The following DYNC2H1 variants were observed in gnomAD, a reference collection of about 807,000 sequenced individuals.
DYNC2H1 encodes the protein dynein cytoplasmic 2 heavy chain 1, also known as cytoplasmic dynein 2 heavy chain 1.
DYNC2H1 carries 410 observed loss-of-function variants against 570.0 expected under a neutral mutation model. The observed-to-expected ratio is 0.72, with a 90% CI of 0.66 to 0.78. The LOEUF (loss-of-function observed/expected upper bound fraction) is 0.78, where lower values mean the gene tolerates loss of function less well. Among genes scored for constraint, DYNC2H1 ranks in the 30% least tolerant of loss-of-function variants. The pLI, the probability that DYNC2H1 is intolerant of heterozygous loss-of-function variation, is 0.00. For synonymous variants in DYNC2H1, 1,688 were observed against 1,677.6 expected, an observed-to-expected ratio of 1.01 and a Z score of -0.15; for missense variants, 4,865 against 5,046.4, an observed-to-expected ratio of 0.96 and a Z score of 1.09.
rs1944179982 is a variant in DYNC2H1, at chr11:103,439,403, T to C, written c.12456+3371T>C. ...TTTTCAAGTAACTAAAAGCAAAGCA[T>C]AGATTGCAAGGAGGGGTGTTCAGGC... On this transcript the variant is annotated intron_variant, in intron 85 of 88. Transcript: ENST00000375735. This position sits in a 1 kb window ranked among gnomAD's most constrained non-coding sequence, Gnocchi z 4.1. Among the ~76,000 whole-genome samples the C allele has an allele frequency of 6.6e-6, 1 of 152,074 alleles. No individual in the cohort carries two copies. Among genetic ancestry groups the C allele is most frequent in the African/African-American group, 2.4e-5 (1 of 41,432 alleles).
chr11:103,140,984 C>T lies in DYNC2H1; in HGVS notation c.2575-2284C>T, dbSNP rs112091114. ...TCTTCCATTGCTGGTACCCTTTCTT[C>T]CAGTTGATCGCATCGGCTCCTGAGG... On this transcript the variant is annotated intron_variant, in intron 17 of 88. Coordinates refer to ENST00000375735, the MANE Select transcript of DYNC2H1 (RefSeq NM_001377.3). Among the ~76,000 whole-genome samples the T allele has an allele frequency of 3.2e-3, 492 of 152,248 alleles. 3 individuals carry two copies. The highest frequency in any genetic ancestry group is 0.011 in the African/African-American group (472 of 41,540).
intron 12 of DYNC2H1, 65 bp downstream of exon 12, chr11:103,125,360 T>A: frequency 4.2e-5 from 37 of 890,266 alleles, no homozygotes; most frequent in South Asian, 8.5e-5. Context: ...TAGAATATGC[T>A]AAAGGCTTTT....
rs373965778 is a variant in DYNC2H1 at position 103,147,310 on chromosome 11, A to G, written c.2703-462A>G. On this transcript the variant is annotated intron_variant, in intron 18 of 88. Transcript: ENST00000375735. ...TTTGATAAGTGTAAAATGGTGTCTT[A>G]TCGTTTTATTGTTTTAGTGCTTTAA... Among the ~76,000 whole-genome samples, 11 of 152,220 alleles carry G rather than the reference A, an allele frequency of 7.2e-5. No homozygotes were observed. In the East Asian group the frequency reaches 1.4e-3, roughly 19 times the overall value.
chr11:103,151,127 G>A lies in DYNC2H1; in HGVS notation c.2947-1009G>A, dbSNP rs747330219. Among the ~76,000 whole-genome samples, 11 of 152,088 alleles carry A rather than the reference G, an allele frequency of 7.2e-5. No individual in the cohort carries two copies. The highest frequency in any genetic ancestry group is 1.2e-4 in the Non-Finnish European group (8 of 68,008). The stretch of plus-strand genomic sequence containing the variant: ...TGTTTTACAGGCTAACTGGAGTTCC[G>A]TTCACGTGTAGAAAATTAAAATCCT... On this transcript the variant is annotated intron_variant, in intron 20 of 88. Transcript: ENST00000375735. This position sits in a 1 kb window ranked among gnomAD's most constrained non-coding sequence, Gnocchi z 4.6.
chr11:103,340,260 A>G (rs371889883), intron 82 of DYNC2H1, among the ~76,000 whole-genome samples: 8 of 152,316 alleles, frequency 5.3e-5, no homozygotes, highest in Middle Eastern at 6.8e-3. Flanking sequence ...GCCCTTGTCT[A>G]AAGTCAAATC....
chr11:103,337,269 T>A (rs1939187163), intron 82 of DYNC2H1, among the ~76,000 whole-genome samples: 1 of 152,192 alleles, frequency 6.6e-6, no homozygotes, highest in Admixed American at 6.5e-5. Context: ...TCAATAAATA[T>A]GTGGGTAAAT....
rs762737194 is a variant in DYNC2H1 at position 103,223,012 on chromosome 11, G to A, written c.9279G>A (p.Val3093=). The change falls in exon 59 of 89, where the codon GTG becomes GTA. Residue 3093 remains valine, a synonymous_variant. Coordinates refer to ENST00000375735, the MANE Select transcript of DYNC2H1 (RefSeq NM_001377.3). ...CAGCTGCACCTTTGGCTGCCTGGGT[G>A]AAAGCCAATATTCAGTATTCCCATG... ...STAAAPLAAW[V]KANIQYSHVL... 13 of 1,613,374 alleles carry A rather than the reference G, an allele frequency of 8.1e-6. No homozygotes were observed. The highest frequency in any genetic ancestry group is 1.1e-5 in the Non-Finnish European group (13 of 1,179,610).
At chr11:103,232,285 C>G (rs1393294061) in intron 60 of DYNC2H1, among the ~76,000 whole-genome samples, 1 of 151,818 alleles carries the variant, frequency 6.6e-6, no homozygotes, top group African/African-American at 2.4e-5. Flanking sequence ...AGAAGTAAAT[C>G]TATTTCTATT....
intron 70 of DYNC2H1, among the ~76,000 whole-genome samples, chr11:103,262,032 G>A (rs1865315825): frequency 6.6e-6 from 1 of 152,180 alleles, no homozygotes; most frequent in African/African-American, 2.4e-5. Flanking sequence ...GAAAAACACA[G>A]CACAAGAACT....
intron 83 of DYNC2H1, among the ~76,000 whole-genome samples, chr11:103,382,261 T>G (rs2671391): frequency 0.67 from 102,066 of 151,950 alleles, 34,418 homozygotes; most frequent in Admixed American, 0.73. Context: ...TCTCTTTTGG[T>G]CTGGTAGAAT....
rs957804329 is a variant in DYNC2H1 at position 103,326,071 on chromosome 11, C to T, written c.12039+2081C>T. Among the ~76,000 whole-genome samples the T allele has an allele frequency of 6.6e-6, 1 of 152,108 alleles. No individual in the cohort carries two copies. Among genetic ancestry groups the T allele is most frequent in the Admixed American group, 6.5e-5 (1 of 15,278 alleles). On this transcript the variant is annotated intron_variant, in intron 82 of 88. Coordinates refer to ENST00000375735, the MANE Select transcript of DYNC2H1 (RefSeq NM_001377.3). This position sits in a 1 kb window ranked among gnomAD's most constrained non-coding sequence, Gnocchi z 6.1. Reference sequence around the variant, plus strand: ...GTCTTTATTTGTGGGTGAATTCTTGCTCTTGGTTTCCGGCATCTATTAGCA... The same window carrying T: ...GTCTTTATTTGTGGGTGAATTCTTGTTCTTGGTTTCCGGCATCTATTAGCA...
At position 103,129,061 on chromosome 11, in the gene DYNC2H1, C is replaced by A. The variant is rs1276327705; in HGVS notation, c.1953+56C>A. 7.0e-7 allele frequency: 1 copy of A among 1,438,698 alleles called. No homozygotes were observed. The highest frequency in any genetic ancestry group is 9.5e-7 in the Non-Finnish European group (1 of 1,051,040). The allele number at this position is 1,438,698 out of a possible 1,614,324, so 89.1% of individuals were successfully genotyped here. On this transcript the variant is annotated intron_variant, in intron 13 of 88. Transcript: ENST00000375735. The surrounding 1 kb of genome is among the most constrained non-coding windows in gnomAD (Gnocchi z 4.1). Reference sequence around the variant, plus strand: ...GATTTTACATGTGAAGTGTTTAATTCTTAATTTTCCGGTGTTCCCTTCAGC... The same window carrying A: ...GATTTTACATGTGAAGTGTTTAATTATTAATTTTCCGGTGTTCCCTTCAGC...
chr11:103,286,533 A>G (rs1343870065), intron 74 of DYNC2H1, 147 bp downstream of exon 74: 17 of 943,564 alleles, frequency 1.8e-5, no homozygotes, highest in Non-Finnish European at 2.0e-5. Context: ...TTGCCACCTT[A>G]TTGACAATTA....
intron 70 of DYNC2H1, among the ~76,000 whole-genome samples, chr11:103,267,647 T>C (rs1486309891): frequency 6.6e-6 from 1 of 152,082 alleles, no homozygotes; most frequent in Non-Finnish European, 1.5e-5. Flanking sequence ...AACAAAACTT[T>C]AAAATATTTT....
rs74631290 is a variant in DYNC2H1 at position 103,151,303 on chromosome 11, A to G, written c.2947-833A>G. Among the ~76,000 whole-genome samples, 3,058 of 152,086 alleles carry G rather than the reference A, an allele frequency of 0.02. 100 individuals are homozygous for G. Among genetic ancestry groups the G allele is most frequent in the African/African-American group, 0.069 (2,869 of 41,466 alleles). On this transcript the variant is annotated intron_variant, in intron 20 of 88. Coordinates refer to ENST00000375735, the MANE Select transcript of DYNC2H1 (RefSeq NM_001377.3). The surrounding 1 kb of genome is among the most constrained non-coding windows in gnomAD (Gnocchi z 4.6). ...ATTTTTTTAGAGATGCGTTCTCACTATGTTGCTTAGGTTAATCTTAATCCC... is the reference window on the plus strand; with the variant it reads ...ATTTTTTTAGAGATGCGTTCTCACTGTGTTGCTTAGGTTAATCTTAATCCC...
rs1464622573 is a variant in DYNC2H1 at position 103,479,391 on chromosome 11, A to G, written c.*138A>G. 1 of 972,814 alleles carries G rather than the reference A, an allele frequency of 1.0e-6. No individual in the cohort carries two copies. Among genetic ancestry groups the G allele is most frequent in the Non-Finnish European group, 1.4e-6 (1 of 709,598 alleles). The allele number at this position is 972,814 out of a possible 1,614,324, so 60.3% of individuals were successfully genotyped here. A position where few individuals can be genotyped will look rare whatever the true frequency, so the allele number is the denominator to read the frequency against. On this transcript the variant is annotated 3_prime_UTR_variant, in exon 89 of 89. Transcript: ENST00000375735. ...TAGTTATGTTGTTGATGTCACTGAA[A>G]TTTTAATGTGTAAAAGCAGCACTGT...
chr11:103,459,596 C>A (rs1226875793), intron 87 of DYNC2H1, among the ~76,000 whole-genome samples: 1 of 152,036 alleles, frequency 6.6e-6, no homozygotes, highest in South Asian at 2.1e-4. Flanking sequence ...GAAATTTGAT[C>A]ATTACCAACA....
chr11:103,301,053 G>T (rs1471425721), intron 75 of DYNC2H1, among the ~76,000 whole-genome samples: 2 of 151,772 alleles, frequency 1.3e-5, no homozygotes, highest in East Asian at 3.9e-4. Context: ...CATTGTTAAC[G>T]TTTCTATGTA....
intron 85 of DYNC2H1, among the ~76,000 whole-genome samples, chr11:103,445,549 G>A (rs528973247): frequency 6.6e-6 from 1 of 152,310 alleles, no homozygotes; most frequent in African/African-American, 2.4e-5. Context: ...GGTGGTGGCT[G>A]TGGAGGTGGA....
Sources: gnomAD v4.1 joint callset for allele counts (sites outside exome capture counted in the v4.1 genomes callset) on GRCh38, gnomAD v4.1.1 for gene constraint, Gnocchi (gnomAD v3.1) non-coding constraint, MANE v1.5 for transcripts, NCBI Gene and HGNC (gene_info 2026-07-23, HGNC 2026-07-21) for gene names.